Variants in SPRYD3 observed in about 807,000 individuals in gnomAD.
SPRYD3 encodes the protein SPRY domain containing 3.
SPRYD3 carries 17 observed loss-of-function variants against 50.1 expected under a neutral mutation model. The observed-to-expected ratio is 0.34, with a 90% confidence interval of 0.23 to 0.51. The LOEUF (loss-of-function observed/expected upper bound fraction) is 0.51, where lower values mean the gene tolerates loss of function less well. Among genes scored for constraint, SPRYD3 ranks in the 20% least tolerant of loss-of-function variants. The pLI is 0.97. For missense variants in SPRYD3, 401 were observed against 591.2 expected, an observed-to-expected ratio of 0.68 and a Z score of 3.34; for synonymous variants, 198 against 215.5, an observed-to-expected ratio of 0.92 and a Z score of 0.71.
At chr12:53,071,931 T>TTAA (rs1429132587) in intron 6 of SPRYD3, among the ~76,000 whole-genome samples, 1 of 151,668 alleles carries the variant, frequency 6.6e-6, no homozygotes, top group Non-Finnish European at 1.5e-5. Flanking sequence ...CACTCTTAAA[T>TTAA]AAGTGGCTGA....
intron 10 of SPRYD3, 55 bp from the exon 11 acceptor site, chr12:53,066,021 A>G: frequency 6.3e-7 from 1 of 1,577,542 alleles, no homozygotes; most frequent in Non-Finnish European, 8.6e-7. Flanking sequence ...CTCTTCCCTG[A>G]GGATGCTGGA....
At chr12:53,066,226 C>G in intron 10 of SPRYD3, 88 bp downstream of exon 10, 3 of 1,552,532 alleles carry the variant, frequency 1.9e-6, no homozygotes, top group Non-Finnish European at 2.6e-6. Flanking sequence ...GTCTTTCCCA[C>G]CCTGGTTGTG....
chr12:53,069,862 T>A (rs1944536637), intron 6 of SPRYD3, among the ~76,000 whole-genome samples: 1 of 152,042 alleles, frequency 6.6e-6, no homozygotes, highest in Non-Finnish European at 1.5e-5. Context: ...CAGAACTGGG[T>A]GGGGGACCCC....
intron 6 of SPRYD3, among the ~76,000 whole-genome samples, chr12:53,070,097 A>G (rs1447327878): frequency 6.6e-6 from 1 of 152,100 alleles, no homozygotes; most frequent in Non-Finnish European, 1.5e-5. Flanking sequence ...CTACCCCAAC[A>G]TGGGTCTTTA....
Sources: gnomAD v4.1 joint callset for allele counts (sites outside exome capture counted in the v4.1 genomes callset) on GRCh38, gnomAD v4.1.1 for gene constraint, MANE v1.5 for transcripts, NCBI Gene and HGNC (gene_info 2026-07-23, HGNC 2026-07-21) for gene names.